HS3ST3B1: variants seen among roughly 807,000 people sequenced by gnomAD.
The protein encoded by HS3ST3B1 is heparan sulfate-glucosamine 3-sulfotransferase 3B1, also known as heparan sulfate glucosamine 3-O-sulfotransferase 3B1.
Under a neutral mutation model 21.3 loss-of-function variants are expected in HS3ST3B1, and 13 were observed. The observed-to-expected ratio is 0.61, with a 90% CI of 0.40 to 0.97. The LOEUF (loss-of-function observed/expected upper bound fraction) is 0.97. Ranked by LOEUF, HS3ST3B1 falls within the 50% of genes least tolerant of loss-of-function variation. The pLI is 0.00. For synonymous variants in HS3ST3B1, 234 were observed against 254.8 expected, an observed-to-expected ratio of 0.92 and a Z score of 0.78; for missense variants, 459 against 554.8, an observed-to-expected ratio of 0.83 and a Z score of 1.73.
In HS3ST3B1 at chr17:14,326,271, G is replaced by A. The variant is rs577479924; in HGVS notation, c.555-18757G>A. ...AGTTGGAAGGAGGGTTGGAAAGAGC[G>A]AGGGAGGAACTTAGAATTCCCTTGG... is the stretch of plus-strand genomic sequence containing the variant. On this transcript the variant is annotated intron_variant, in intron 1 of 1. Coordinates refer to ENST00000360954, the MANE Select transcript of HS3ST3B1 (RefSeq NM_006041.3). Among the ~76,000 whole-genome samples the A allele has an allele frequency of 4.6e-5, 7 of 152,290 alleles. No homozygotes were observed. The East Asian group carries it at 5.8e-4, about 13-fold the overall frequency.
chr17:14,321,138 G>C (rs1909646313), intron 1 of HS3ST3B1, among the ~76,000 whole-genome samples: 1 of 152,200 alleles, frequency 6.6e-6, no homozygotes, highest in South Asian at 2.1e-4. Flanking sequence ...AGCATTTGGT[G>C]GTGGACTTTT....
intron 1 of HS3ST3B1, among the ~76,000 whole-genome samples, chr17:14,343,190 C>T (rs542693287): frequency 1.2e-4 from 18 of 150,872 alleles, no homozygotes; most frequent in African/African-American, 3.9e-4. Context: ...TGCAGTGAGC[C>T]GAGATCGCAC....
chr17:14,342,741 A>G (rs143478232), intron 1 of HS3ST3B1, among the ~76,000 whole-genome samples: 1,836 of 152,340 alleles, frequency 0.012, 22 homozygotes, highest in Middle Eastern at 0.024. Context: ...GACATAACTT[A>G]TAAGTGGTAG....
rs532924722 is a variant in HS3ST3B1 at position 14,338,045 on chromosome 17, G to A, written c.555-6983G>A. Among the ~76,000 whole-genome samples, 40 of 151,876 alleles carry A rather than the reference G, an allele frequency of 2.6e-4. 2 individuals are homozygous for A. The highest frequency in any genetic ancestry group is 2.5e-3 in the Admixed American group (38 of 15,278). On this transcript the variant is annotated intron_variant, in intron 1 of 1. Transcript: ENST00000360954. ...GGGCCTGATTCAATGGGTGTGGGGA[G>A]GGGCCAGGCATATAACGCCAGTTAA...
At chr17:14,330,185 G>T (rs991567924) in intron 1 of HS3ST3B1, among the ~76,000 whole-genome samples, 1 of 152,178 alleles carries the variant, frequency 6.6e-6, no homozygotes, top group Non-Finnish European at 1.5e-5. Flanking sequence ...GGGGTGGTCT[G>T]TACCAATGCC....
At chr17:14,313,112 A>G (rs960303312) in intron 1 of HS3ST3B1, among the ~76,000 whole-genome samples, 6 of 108,222 alleles carry the variant, frequency 5.5e-5, no homozygotes, top group African/African-American at 2.9e-4. Flanking sequence ...GTGTGTGTAT[A>G]TATATATATA....
intron 1 of HS3ST3B1, among the ~76,000 whole-genome samples, chr17:14,310,156 T>G (rs1241211759): frequency 6.6e-6 from 1 of 152,100 alleles, no homozygotes; most frequent in African/African-American, 2.4e-5. Flanking sequence ...AGGACTGGGA[T>G]GGAGAGGAGG....
chr17:14,312,990 T>C (rs35890607), intron 1 of HS3ST3B1, among the ~76,000 whole-genome samples: 46,541 of 147,206 alleles, frequency 0.32, 8,247 homozygotes, highest in East Asian at 0.45. Flanking sequence ...CTGCAACCTC[T>C]GCCACCTGGG....
chr17:14,334,043 G>A (rs1259771749), intron 1 of HS3ST3B1, among the ~76,000 whole-genome samples: 4 of 152,208 alleles, frequency 2.6e-5, no homozygotes, highest in African/African-American at 7.2e-5. Flanking sequence ...TTACAGGCGT[G>A]AGCCACCGCG....
intron 1 of HS3ST3B1, 117 bp downstream of exon 1, chr17:14,302,189 G>A: frequency 8.1e-7 from 1 of 1,240,738 alleles, no homozygotes; most frequent in Non-Finnish European, 1.1e-6. Context: ...CCGGGGTAGG[G>A]CAGGGAAACT....
chr17:14,302,755 A>T (rs1281993634), intron 1 of HS3ST3B1, among the ~76,000 whole-genome samples: 2 of 152,138 alleles, frequency 1.3e-5, no homozygotes, highest in Middle Eastern at 3.4e-3. Flanking sequence ...AAAGGCGCGC[A>T]CTGCAACCGG....
intron 1 of HS3ST3B1, among the ~76,000 whole-genome samples, chr17:14,313,268 A>G (rs1009327739): frequency 4.0e-5 from 6 of 151,032 alleles, no homozygotes; most frequent in Non-Finnish European, 8.9e-5. Context: ...GAACCTGGCC[A>G]AAAATGTCTT....
At chr17:14,312,839 A>G (rs1473913090) in intron 1 of HS3ST3B1, among the ~76,000 whole-genome samples, 5 of 151,386 alleles carry the variant, frequency 3.3e-5, no homozygotes, top group Non-Finnish European at 5.9e-5. Flanking sequence ...CAGCACCATG[A>G]GGACCCCACC....
chr17:14,326,019 GTA>G (rs1909803658), intron 1 of HS3ST3B1, among the ~76,000 whole-genome samples: 2 of 152,112 alleles, frequency 1.3e-5, no homozygotes, highest in Non-Finnish European at 2.9e-5. Flanking sequence ...GTGTGTGTGT[GTA>G]CGTGTGTGTG....
chr17:14,319,801 T>G (rs887025410), intron 1 of HS3ST3B1, among the ~76,000 whole-genome samples: 1 of 151,678 alleles, frequency 6.6e-6, no homozygotes, highest in South Asian at 2.1e-4. Flanking sequence ...TTTCAATAGT[T>G]TTTGGGGAAA....
intron 1 of HS3ST3B1, among the ~76,000 whole-genome samples, chr17:14,314,771 C>T (rs1462173897): frequency 6.6e-6 from 1 of 152,204 alleles, no homozygotes; most frequent in Non-Finnish European, 1.5e-5. Flanking sequence ...CTGCCCCTTC[C>T]TGTCTCACAC....
At chr17:14,315,588 C>G (rs753113997) in intron 1 of HS3ST3B1, among the ~76,000 whole-genome samples, 1 of 152,000 alleles carries the variant, frequency 6.6e-6, no homozygotes, top group Non-Finnish European at 1.5e-5. Context: ...TTTGGGAGGC[C>G]GAGGTGGGTG....
chr17:14,327,073 G>A (rs371704511), intron 1 of HS3ST3B1, among the ~76,000 whole-genome samples: 7 of 151,820 alleles, frequency 4.6e-5, no homozygotes, highest in African/African-American at 1.2e-4. Flanking sequence ...CAACATAAAC[G>A]GTAAGTCCCT....
At chr17:14,313,520 A>G (rs1370569962) in intron 1 of HS3ST3B1, among the ~76,000 whole-genome samples, 1 of 151,864 alleles carries the variant, frequency 6.6e-6, no homozygotes, top group Non-Finnish European at 1.5e-5. Flanking sequence ...TCTCTTAACC[A>G]CTTCTCGACA....
Sources: gnomAD v4.1 joint callset for allele counts (sites outside exome capture counted in the v4.1 genomes callset) on GRCh38, gnomAD v4.1.1 for gene constraint, MANE v1.5 for transcripts, NCBI Gene and HGNC (gene_info 2026-07-23, HGNC 2026-07-21) for gene names.